Variants in SH3BP5 observed in about 807,000 individuals in gnomAD.
SH3BP5 encodes SH3 domain-binding protein 5.
Under a neutral mutation model 43.3 loss-of-function variants are expected in SH3BP5, and 22 were observed. The observed-to-expected ratio is 0.51, with a 90% confidence interval of 0.36 to 0.73. The LOEUF (loss-of-function observed/expected upper bound fraction) is 0.73. Among genes scored for constraint, SH3BP5 ranks in the 30% least tolerant of loss-of-function variants. The probability of loss-of-function intolerance (pLI) is 0.00; values close to 1 mark genes in which losing one functional copy is unlikely to be tolerated. For synonymous variants in SH3BP5, 255 were observed against 225.8 expected, an observed-to-expected ratio of 1.13 and a Z score of -1.16; for missense variants, 529 against 586.9, an observed-to-expected ratio of 0.90 and a Z score of 1.02.
intron 2 of SH3BP5, among the ~76,000 whole-genome samples, chr3:15,305,129 A>T (rs573177665): frequency 3.7e-4 from 57 of 152,096 alleles, no homozygotes; most frequent in African/African-American, 1.1e-3. Context: ...AAAAAAAAAA[A>T]ATTAATTCAT....
chr3:15,314,031 G>A (rs1030763613), intron 2 of SH3BP5, among the ~76,000 whole-genome samples: 2 of 151,942 alleles, frequency 1.3e-5, no homozygotes, highest in Non-Finnish European at 2.9e-5. Context: ...GAGCCTAGGC[G>A]GTCAAGGCTG....
intron 3 of SH3BP5, among the ~76,000 whole-genome samples, chr3:15,293,211 A>G (rs1311369665): frequency 4.6e-5 from 7 of 152,186 alleles, no homozygotes; most frequent in Admixed American, 3.9e-4. Context: ...TCATTCCACT[A>G]CGTGCCCTTA....
intron 3 of SH3BP5, among the ~76,000 whole-genome samples, chr3:15,288,486 G>A (rs112861239): frequency 9.2e-5 from 14 of 152,358 alleles, no homozygotes; most frequent in Non-Finnish European, 1.5e-4. Context: ...GGCCGGGGGC[G>A]GTGGCTAACG....
intron 7 of SH3BP5, 65 bp downstream of exon 7, chr3:15,258,766 G>A (rs1696317871): frequency 2.1e-6 from 3 of 1,421,452 alleles, no homozygotes; most frequent in Non-Finnish European, 3.0e-6. Flanking sequence ...AGAAAGTGAG[G>A]ACCTTGGGAA....
At chr3:15,334,569 GAA>G (rs142717483), upstream of SH3BP5, among the ~76,000 whole-genome samples, 1 of 143,186 alleles carries the variant, frequency 7.0e-6, no homozygotes, top group Non-Finnish European at 1.5e-5. Flanking sequence ...TTGCTCTCTA[GAA>G]AAAAAAAAAA....
At chr3:15,309,904 C>A (rs1313830539) in intron 2 of SH3BP5, among the ~76,000 whole-genome samples, 3 of 111,696 alleles carry the variant, frequency 2.7e-5, no homozygotes, top group Non-Finnish European at 5.6e-5. Flanking sequence ...CTTCCCCGCT[C>A]CACCCCCCCC....
chr3:15,267,597 C>G (rs1559429376), intron 4 of SH3BP5, among the ~76,000 whole-genome samples: 1 of 152,216 alleles, frequency 6.6e-6, no homozygotes, highest in Non-Finnish European at 1.5e-5. Context: ...AGAGAAGGCA[C>G]ATATCAGCTG....
chr3:15,288,787 G>A (rs1485624005), intron 3 of SH3BP5, among the ~76,000 whole-genome samples: 5 of 152,152 alleles, frequency 3.3e-5, no homozygotes, highest in Admixed American at 3.3e-4. Flanking sequence ...AATGCTCTGG[G>A]TAAGACATGA....
intron 4 of SH3BP5, among the ~76,000 whole-genome samples, chr3:15,266,619 G>A (rs971195501): frequency 6.6e-6 from 1 of 152,220 alleles, no homozygotes; most frequent in African/African-American, 2.4e-5. Flanking sequence ...CAGCTGGAGA[G>A]CAGCAGGGAC....
intron 3 of SH3BP5, among the ~76,000 whole-genome samples, chr3:15,294,332 C>T (rs60362001): frequency 0.17 from 22,485 of 133,728 alleles, 2,324 homozygotes; most frequent in African/African-American, 0.35. Flanking sequence ...TGTGTGTGTG[C>T]GCGCGCATGT....
At chr3:15,294,477 A>C (rs1273503279) in intron 3 of SH3BP5, among the ~76,000 whole-genome samples, 1 of 152,054 alleles carries the variant, frequency 6.6e-6, no homozygotes, top group Non-Finnish European at 1.5e-5. Flanking sequence ...TGTCACCGCC[A>C]TACCACTGAC....
At chr3:15,301,902 G>A (rs114402527) in intron 3 of SH3BP5, among the ~76,000 whole-genome samples, 3,695 of 152,096 alleles carry the variant, frequency 0.024, 163 homozygotes, top group African/African-American at 0.084. Flanking sequence ...AGCCACTGCC[G>A]CGACTCCAGT....
intron 3 of SH3BP5, among the ~76,000 whole-genome samples, chr3:15,295,295 C>A (rs1205020231): frequency 6.6e-6 from 1 of 152,200 alleles, no homozygotes; most frequent in African/African-American, 2.4e-5. Context: ...TTGCAGTGTT[C>A]TTGGGGCCAT....
intron 2 of SH3BP5, among the ~76,000 whole-genome samples, chr3:15,318,323 T>C (rs1698234146): frequency 6.6e-6 from 1 of 152,142 alleles, no homozygotes; most frequent in African/African-American, 2.4e-5. Context: ...AACATCACCA[T>C]ATTTAACCCT....
At chr3:15,336,137 A>T (rs576965205), upstream of SH3BP5, among the ~76,000 whole-genome samples, 3 of 152,302 alleles carry the variant, frequency 2.0e-5, no homozygotes, top group Non-Finnish European at 4.4e-5. Context: ...TCCGTCTCAA[A>T]AAAAAGAAAG....
intron 3 of SH3BP5, among the ~76,000 whole-genome samples, chr3:15,285,896 T>C (rs184629428): frequency 1.3e-5 from 2 of 152,380 alleles, no homozygotes; most frequent in Non-Finnish European, 2.9e-5. Flanking sequence ...ACTTTGCTTC[T>C]GGATCAGCAT....
intron 8 of SH3BP5, 175 bp downstream of exon 8, chr3:15,256,678 C>G (rs142674138): frequency 2.8e-6 from 2 of 718,480 alleles, no homozygotes; most frequent in Non-Finnish European, 4.5e-6. Context: ...AGCCAGGAGC[C>G]CCCCCAGAAC....
At chr3:15,256,513 C>G in intron 8 of SH3BP5, 2 of 618,612 alleles carry the variant, frequency 3.2e-6, no homozygotes, top group Non-Finnish European at 5.7e-6. Flanking sequence ...TGCTTTTATT[C>G]CTTGTGATGT....
At chr3:15,272,599 ATTACAAAACAGAGTGCCCG>A (rs1306421665) in intron 3 of SH3BP5, among the ~76,000 whole-genome samples, 14 of 75,450 alleles carry the variant, frequency 1.9e-4, no homozygotes, top group Admixed American at 3.3e-4. Context: ...GGATAAAGAC[ATTACAAAACAGAGTGCCCG>A]TAGGATAAAG....
Sources: allele counts gnomAD v4.1 joint callset (sites outside exome capture counted in the v4.1 genomes callset), GRCh38; gene constraint gnomAD v4.1.1; transcripts MANE v1.5; gene names NCBI Gene and HGNC (gene_info 2026-07-23, HGNC 2026-07-21).